Variants in E2F8 observed in about 807,000 individuals in gnomAD.
E2F8 encodes E2F transcription factor 8.
Under a neutral mutation model 80.8 loss-of-function variants are expected in E2F8, and 35 were observed. The observed-to-expected ratio is 0.43, with a 90% CI of 0.33 to 0.57. E2F8 has a LOEUF of 0.57. E2F8 is among the 20% of genes least tolerant of loss of function. The pLI, the probability that E2F8 is intolerant of heterozygous loss-of-function variation, is 0.04. For synonymous variants in E2F8, 386 were observed against 395.0 expected (o/e 0.98, Z 0.27); for missense variants, 975 against 1,056.2 (o/e 0.92, Z 1.07).
chr11:19,230,470 A>C, intron 8 of E2F8, 142 bp from the exon 9 acceptor site: 1 of 1,192,874 alleles, frequency 8.4e-7, no homozygotes, highest in Non-Finnish European at 1.2e-6. Flanking sequence ...AAACCCCACA[A>C]ATGACTTTTT....
At chr11:19,238,978 C>T (rs1303441688) in intron 2 of E2F8, among the ~76,000 whole-genome samples, 1 of 152,132 alleles carries the variant, frequency 6.6e-6, no homozygotes, top group Non-Finnish European at 1.5e-5. Context: ...AACAGCAGTT[C>T]ATAAATAAGG....
At chr11:19,237,246 C>G in intron 4 of E2F8, 68 bp downstream of exon 4, 1 of 1,478,638 alleles carries the variant, frequency 6.8e-7, no homozygotes, top group East Asian at 2.3e-5. Flanking sequence ...GAGCGGGGGT[C>G]TGAAGGAGTT....
rs558353218 is a variant in E2F8, at chr11:19,235,636, G to T, written c.452-578C>A. 7.4e-5 allele frequency among the ~76,000 whole-genome samples: 11 copies of T among 149,648 alleles called. No individual in the cohort carries two copies. In the South Asian group the frequency reaches 1.1e-3, roughly 14 times the overall value. On this transcript the variant is annotated intron_variant, in intron 4 of 12. Coordinates refer to ENST00000250024, the MANE Select transcript of E2F8 (RefSeq NM_024680.4). The stretch of plus-strand genomic sequence containing the variant: ...AGCACTCCAGCCTGGGCGAAAGAGC[G>T]AGACTCCGTCTCAAAAACAAACAAA...
intron 10 of E2F8, 71 bp from the exon 11 acceptor site, chr11:19,225,935 A>G (rs1263184300): frequency 1.3e-6 from 2 of 1,544,472 alleles, no homozygotes; most frequent in African/African-American, 1.4e-5. Context: ...TGCCTCTTTC[A>G]GGACTAATAT....
At chr11:19,226,538 G>A (rs1169692123) in intron 10 of E2F8, among the ~76,000 whole-genome samples, 1 of 152,180 alleles carries the variant, frequency 6.6e-6, no homozygotes, top group East Asian at 1.9e-4. Context: ...GAGAAAGGGG[G>A]CTAAACTATT....
chr11:19,224,706 G>C lies in E2F8; in HGVS notation c.2556C>G (p.Leu852=). 6.2e-7 allele frequency: 1 copy of C among 1,614,232 alleles called. No homozygotes were observed. The highest frequency in any genetic ancestry group is 8.5e-7 in the Non-Finnish European group (1 of 1,180,042). The part of the protein sequence containing the change: ...EGANKTSLGT[L]FVPQRKLEVS... The stretch of plus-strand genomic sequence containing the variant: ...CTTCCAGTTTTCGCTGTGGGACAAA[G>C]AGAGTTCCTAAGGAGGTTTTATTAG... Residue 852 remains leucine, a synonymous_variant, in exon 13 of 13, where the codon CTC becomes CTG. Transcript: ENST00000250024.
intron 6 of E2F8, 24 bp downstream of exon 6, chr11:19,234,336 A>G: frequency 1.9e-6 from 3 of 1,610,664 alleles, no homozygotes; most frequent in Non-Finnish European, 2.5e-6. Flanking sequence ...AGGTTCAAAA[A>G]TCCATGGCAG....
intron 10 of E2F8, chr11:19,226,144 A>T (rs768175379): frequency 4.2e-4 from 168 of 398,514 alleles, no homozygotes; most frequent in Non-Finnish European, 6.3e-4. Flanking sequence ...AGGGGTAAGG[A>T]TTCATCCAGC....
chr11:19,233,269 T>C (rs1484028415), intron 6 of E2F8, among the ~76,000 whole-genome samples: 1 of 152,174 alleles, frequency 6.6e-6, no homozygotes, highest in African/African-American at 2.4e-5. Flanking sequence ...GCTCTTTTGT[T>C]AGGAATCCAA....
At chr11:19,239,206 C>T (rs574671255) in intron 2 of E2F8, among the ~76,000 whole-genome samples, 1 of 152,282 alleles carries the variant, frequency 6.6e-6, no homozygotes, top group African/African-American at 2.4e-5. Flanking sequence ...GCATTCTTAG[C>T]TCGCAGAAGA....
intron 2 of E2F8, 54 bp from the exon 3 acceptor site, chr11:19,238,186 C>T: frequency 9.8e-6 from 15 of 1,525,254 alleles, no homozygotes; most frequent in Non-Finnish European, 1.3e-5. Context: ...ATTTATCAGA[C>T]AGCTTGGATT....
chr11:19,234,314 T>C (rs1192222976), intron 6 of E2F8, 46 bp downstream of exon 6: 4 of 1,596,484 alleles, frequency 2.5e-6, no homozygotes, highest in Non-Finnish European at 3.4e-6. Flanking sequence ...TGAGATTTTA[T>C]TGTTTAAGAA....
At position 19,225,236 on chromosome 11, in the gene E2F8, C is replaced by T. The variant is rs757089934; in HGVS notation, c.2406G>A (p.Val802=). 7.8e-5 allele frequency: 126 copies of T among 1,613,358 alleles called. No individual in the cohort carries two copies. The highest frequency in any genetic ancestry group is 1.1e-4 in the Non-Finnish European group (124 of 1,179,972). The stretch of plus-strand genomic sequence containing the variant: ...AGCCTCTCACCTGTTGTGCCCCTGT[C>T]ACAGCAACTGATTGTCCATTTGGCT... The part of the protein sequence containing the change: ...QSQPNGQSVA[V]TGAQQPVPVT... The change falls in exon 12 of 13, where the codon GTG becomes GTA. Residue 802 remains valine (V), a synonymous_variant. Transcript: ENST00000250024.
At chr11:19,233,288 C>G (rs371374925) in intron 6 of E2F8, among the ~76,000 whole-genome samples, 1 of 152,144 alleles carries the variant, frequency 6.6e-6, no homozygotes, top group African/African-American at 2.4e-5. Flanking sequence ...AATCTACAGT[C>G]CCTTCCCAAT....
rs755255358 is a variant in E2F8, at chr11:19,225,600, G to A, written c.2042C>T (p.Thr681Ile). 6.2e-7 allele frequency: 1 copy of A among 1,613,762 alleles called. No individual in the cohort carries two copies. Among genetic ancestry groups the A allele is most frequent in the Admixed American group, 1.7e-5 (1 of 60,020 alleles). The change falls in exon 12 of 13, where the codon ACA (threonine) becomes ATA (isoleucine). Residue 681 changes from threonine (T) to isoleucine (I), a missense_variant. Physicochemically the swap from Thr to Ile is moderately conservative, Grantham distance 89. Coordinates refer to ENST00000250024, the MANE Select transcript of E2F8 (RefSeq NM_024680.4). ...SSPIAGVIPVTSSELTAVNFP... is the reference protein window; with the variant it reads ...SSPIAGVIPVISSELTAVNFP... ...ATTAACAGCAGTGAGTTCAGATGAT[G>A]TCACTGGAATAACACCTGGAAGGAA...
Position 19,234,821 on chromosome 11 carries a change from A to G in E2F8, c.689T>C (p.Ile230Thr). Reference protein sequence around the residue: ...FIKSYSIEDHIIKSNTGPNGH... With the variant: ...FIKSYSIEDHTIKSNTGPNGH... ...ATTTGGGCCAGTGTTTGATTTGATG[A>G]TATGATCCTCTATACTGTAACTCTT... Residue 230 changes from isoleucine (I) to threonine (T), a missense_variant, in exon 5 of 13, where the codon ATC (isoleucine) becomes ACC (threonine). Coordinates refer to ENST00000250024, the MANE Select transcript of E2F8 (RefSeq NM_024680.4). The G allele has an allele frequency of 6.2e-7, 1 of 1,614,194 alleles. No homozygotes were observed. Among genetic ancestry groups the G allele is most frequent in the South Asian group, 1.1e-5 (1 of 91,088 alleles).
At position 19,225,219 on chromosome 11, in the gene E2F8, A is replaced by G; in HGVS notation, c.2421+2T>C. 4 of 1,612,264 alleles carry G rather than the reference A, an allele frequency of 2.5e-6. No homozygotes were observed. The highest frequency in any genetic ancestry group is 3.4e-6 in the Non-Finnish European group (4 of 1,179,534). ...AATTAAATTAAGTAGAAAGCCTCTC[A>G]CCTGTTGTGCCCCTGTCACAGCAAC... On this transcript the variant is annotated splice_donor_variant, in intron 12 of 12. Transcript: ENST00000250024. LOFTEE classifies it high-confidence loss of function.
rs772260523 is a variant in E2F8, at chr11:19,237,810, C to G, written c.294+44G>C. 7.6e-6 allele frequency: 12 copies of G among 1,573,046 alleles called. No homozygotes were observed. The South Asian group carries it at 1.3e-4, about 17-fold the overall frequency. On this transcript the variant is annotated intron_variant, in intron 3 of 12. Transcript: ENST00000250024. The stretch of plus-strand genomic sequence containing the variant: ...TAATAGCTACAACCTCCCCCCTCCC[C>G]CCAACAAATTCCCCAGCCTCCAACC...
chr11:19,241,322 C>T, upstream of E2F8: 1 of 149,098 alleles, frequency 6.7e-6, no homozygotes, highest in Non-Finnish European at 1.4e-5. This position sits in a 1 kb window ranked among gnomAD's most constrained non-coding sequence, Gnocchi z 4.5. Context: ...CGGGAAACGG[C>T]CGCCGCCGCC....
Sources: gnomAD v4.1 joint callset for allele counts (sites outside exome capture counted in the v4.1 genomes callset) on GRCh38, gnomAD v4.1.1 for gene constraint, Gnocchi (gnomAD v3.1) non-coding constraint, MANE v1.5 for transcripts, NCBI Gene and HGNC (gene_info 2026-07-23, HGNC 2026-07-21) for gene names.